Variants in FAM174B observed in about 807,000 individuals in gnomAD.
FAM174B encodes the protein membrane protein FAM174B.
FAM174B carries 12 observed loss-of-function variants against 10.9 expected under a neutral mutation model. The observed-to-expected ratio is 1.10, with a 90% CI of 0.71 to 1.79. The LOEUF is 1.79. Among genes scored for constraint, FAM174B ranks in the 40% most tolerant of loss-of-function variants. FAM174B has a pLI of 0.00. For missense variants in FAM174B, 266 were observed against 233.3 expected (o/e 1.14, Z -0.91); for synonymous variants, 132 against 115.8 (o/e 1.14, Z -0.90).
At chr15:92,625,912 A>G (rs1680868600) in intron 2 of FAM174B, among the ~76,000 whole-genome samples, 1 of 152,178 alleles carries the variant, frequency 6.6e-6, no homozygotes, top group Admixed American at 6.6e-5. Context: ...TTCTGATTTT[A>G]TTTCAACCAC....
At position 92,655,673 on chromosome 15, in the gene FAM174B, G is replaced by C. The variant is rs778841377; in HGVS notation, c.-14C>G. ...CACGGCGCGCATAGTGCGGTGGGTC[G>C]GCACAGGATCGGGCAGGGCGCGCGC... On this transcript the variant is annotated 5_prime_UTR_variant, in exon 1 of 3. Transcript: ENST00000327355. 7.2e-6 allele frequency: 9 copies of C among 1,250,862 alleles called. No individual in the cohort carries two copies. The East Asian group carries it at 1.3e-4, about 18-fold the overall frequency. The allele number at this position is 1,250,862 out of a possible 1,614,324, so 77.5% of individuals were successfully genotyped here. A position where few individuals can be genotyped will look rare whatever the true frequency, so the allele number is the denominator to read the frequency against.
At chr15:92,633,023 T>C (rs1296261542) in intron 1 of FAM174B, among the ~76,000 whole-genome samples, 1 of 152,190 alleles carries the variant, frequency 6.6e-6, no homozygotes, top group Non-Finnish European at 1.5e-5. Context: ...TGTTTGTTCC[T>C]CCACTCTCTT....
Position 92,618,533 on chromosome 15 carries a change from T to C in FAM174B, c.*923A>G, listed in dbSNP as rs1417352593. The C allele has an allele frequency of 6.6e-6, 1 of 152,550 alleles. No individual in the cohort carries two copies. The highest frequency in any genetic ancestry group is 2.4e-5 in the African/African-American group (1 of 41,430). 9.4% of individuals were successfully genotyped at this position (152,550 alleles called of 1,614,324 possible). A position where few individuals can be genotyped will look rare whatever the true frequency, so the allele number is the denominator to read the frequency against. ...AAATATAGTCCCCTGACAGTGTGAT[T>C]TTTTCCAGCCAGCCAAATCACCGTT... On this transcript the variant is annotated 3_prime_UTR_variant, in exon 3 of 3. Transcript: ENST00000327355.
chr15:92,652,474 G>A (rs752165284), intron 1 of FAM174B, among the ~76,000 whole-genome samples: 21 of 152,138 alleles, frequency 1.4e-4, no homozygotes, highest in South Asian at 4.1e-4. Flanking sequence ...GCCGAGATGG[G>A]GGCTCAGGAG....
chr15:92,630,846 A>G lies in FAM174B; in HGVS notation c.345-501T>C, dbSNP rs1344218260. Among the ~76,000 whole-genome samples, 267 of 59,272 alleles carry G rather than the reference A, an allele frequency of 4.5e-3. 2 individuals carry two copies. Among genetic ancestry groups the G allele is most frequent in the African/African-American group, 9.5e-3 (220 of 23,240 alleles). 38.9% of individuals were successfully genotyped at this position (59,272 alleles called of 152,430 possible). ...ACATATTATATATTATATATATTAC[A>G]TATTACATGTTACATATTACATATT... On this transcript the variant is annotated intron_variant, in intron 1 of 2. Transcript: ENST00000327355.
At chr15:92,630,447 T>C (rs2050785137) in intron 1 of FAM174B, 102 bp from the exon 2 acceptor site, 2 of 1,120,120 alleles carry the variant, frequency 1.8e-6, no homozygotes, top group Admixed American at 4.4e-5. Flanking sequence ...AGCTGGTGTT[T>C]AGTCAGGTTT....
At chr15:92,625,187 G>A (rs1170646785) in intron 2 of FAM174B, among the ~76,000 whole-genome samples, 1 of 143,038 alleles carries the variant, frequency 7.0e-6, no homozygotes, top group African/African-American at 2.5e-5. Flanking sequence ...ACGCACTCAA[G>A]GTCTTATCTC....
At chr15:92,621,033 T>C (rs1338968534) in intron 2 of FAM174B, among the ~76,000 whole-genome samples, 1 of 152,282 alleles carries the variant, frequency 6.6e-6, no homozygotes, top group South Asian at 2.1e-4. Context: ...CCAAATATAT[T>C]ACCATAACAG....
chr15:92,653,592 C>A (rs1402596251), intron 1 of FAM174B, among the ~76,000 whole-genome samples: 1 of 152,226 alleles, frequency 6.6e-6, no homozygotes, highest in East Asian at 1.9e-4. Flanking sequence ...ACCTCAAGGG[C>A]CCTCTGCTGA....
At position 92,619,044 on chromosome 15, in the gene FAM174B, T is replaced by TAAAAAA; in HGVS notation, c.*411_*412insTTTTTT. 2.4e-6 allele frequency: 1 copy of TAAAAAA among 424,828 alleles called. No homozygotes were observed. Among genetic ancestry groups the TAAAAAA allele is most frequent in the South Asian group, 6.3e-5 (1 of 15,828 alleles). 26.3% of individuals were successfully genotyped at this position (424,828 alleles called of 1,614,324 possible). A position where few individuals can be genotyped will look rare whatever the true frequency, so the allele number is the denominator to read the frequency against. ...CAGTAGAGAAGAATGTCGGAAATTC[T>TAAAAAA]AAATACACAGTTGGACATCCTTCAG... On this transcript the variant is annotated 3_prime_UTR_variant, in exon 3 of 3. Transcript: ENST00000327355.
At chr15:92,644,062 C>A (rs2050909684) in intron 1 of FAM174B, among the ~76,000 whole-genome samples, 1 of 152,094 alleles carries the variant, frequency 6.6e-6, no homozygotes. Flanking sequence ...ACCTCCTCCT[C>A]AGGACATAAG....
chr15:92,619,298 A>T lies in FAM174B; in HGVS notation c.*158T>A. ...CGAGCTTGCCAGTGACAGTCTGAGCAGATGCCTGACACGCACGATGGAGCT... is the reference window on the plus strand; with the variant it reads ...CGAGCTTGCCAGTGACAGTCTGAGCTGATGCCTGACACGCACGATGGAGCT... On this transcript the variant is annotated 3_prime_UTR_variant, in exon 3 of 3. Coordinates refer to ENST00000327355, the MANE Select transcript of FAM174B (RefSeq NM_207446.3). The T allele has an allele frequency of 2.5e-6, 2 of 794,038 alleles. No homozygotes were observed. The highest frequency in any genetic ancestry group is 4.4e-6 in the Non-Finnish European group (2 of 457,788). The allele number at this position is 794,038 out of a possible 1,614,324, so 49.2% of individuals were successfully genotyped here. A position where few individuals can be genotyped will look rare whatever the true frequency, so the allele number is the denominator to read the frequency against.
chr15:92,631,566 C>T (rs1388892367), intron 1 of FAM174B, among the ~76,000 whole-genome samples: 1 of 135,328 alleles, frequency 7.4e-6, no homozygotes, highest in Non-Finnish European at 1.5e-5. Flanking sequence ...GTGATCTCGG[C>T]TCACTGCAAG....
At chr15:92,627,580 T>A (rs558186777) in intron 2 of FAM174B, among the ~76,000 whole-genome samples, 8 of 152,334 alleles carry the variant, frequency 5.3e-5, no homozygotes, top group African/African-American at 1.9e-4. Context: ...AGATTGATTG[T>A]CATATTTCCT....
intron 1 of FAM174B, among the ~76,000 whole-genome samples, chr15:92,641,100 G>A (rs113080337): frequency 3.3e-5 from 5 of 151,732 alleles, no homozygotes; most frequent in African/African-American, 7.3e-5. Flanking sequence ...AAATGGCTCC[G>A]CATTCTTAAC....
At chr15:92,623,422 C>A (rs2050732737) in intron 2 of FAM174B, among the ~76,000 whole-genome samples, 1 of 152,162 alleles carries the variant, frequency 6.6e-6, no homozygotes, top group Admixed American at 6.5e-5. Context: ...CTGACCACCA[C>A]CCCCACCAAA....
chr15:92,630,836 T>TATATATTACATATTACATGTTAC (rs2050791298), intron 1 of FAM174B, among the ~76,000 whole-genome samples: 2 of 26,236 alleles, frequency 7.6e-5, no homozygotes, highest in East Asian at 1.1e-3. Flanking sequence ...TTATATATTA[T>TATATATTACATATTACATGTTAC]ATATATTACA....
chr15:92,643,717 G>C (rs570137059), intron 1 of FAM174B, among the ~76,000 whole-genome samples: 1 of 152,226 alleles, frequency 6.6e-6, no homozygotes, highest in South Asian at 2.1e-4. Flanking sequence ...GGTGACTTCA[G>C]AACCCAAACT....
rs34666199 is a variant in FAM174B at position 92,635,579 on chromosome 15, C to CTTTT, written c.345-5238_345-5235dup. On this transcript the variant is annotated intron_variant, in intron 1 of 2. Coordinates refer to ENST00000327355, the MANE Select transcript of FAM174B (RefSeq NM_207446.3). ...GCAGGAAATCTTCACATATTTCTTT[C>CTTTT]TTTTTTTTTTTTTTTTTTTGAGACA... Among the ~76,000 whole-genome samples the CTTTT allele has an allele frequency of 1.9e-4, 25 of 128,250 alleles. 1 individual carries two copies. Among genetic ancestry groups the CTTTT allele is most frequent in the East Asian group, 4.4e-4 (2 of 4,586 alleles). 84.1% of individuals were successfully genotyped at this position (128,250 alleles called of 152,430 possible).
Sources: gnomAD v4.1 joint callset for allele counts (sites outside exome capture counted in the v4.1 genomes callset) on GRCh38, gnomAD v4.1.1 for gene constraint, MANE v1.5 for transcripts, NCBI Gene and HGNC (gene_info 2026-07-23, HGNC 2026-07-21) for gene names.